Variants in MAGI1 observed in about 807,000 individuals in gnomAD.
MAGI1 encodes membrane-associated guanylate kinase, WW and PDZ domain-containing protein 1.
In MAGI1, 58 loss-of-function variants were observed where a neutral mutation model predicts 139.9. That is an observed-to-expected ratio of 0.41 (90% CI 0.34 to 0.52). MAGI1 has a LOEUF of 0.52. Among genes scored for constraint, MAGI1 ranks in the 20% least tolerant of loss-of-function variants. MAGI1 has a pLI of 0.12. For synonymous variants in MAGI1, 812 were observed against 737.9 expected, an observed-to-expected ratio of 1.10 and a Z score of -1.63; for missense variants, 1,874 against 1,901.6, an observed-to-expected ratio of 0.99 and a Z score of 0.27.
intron 1 of MAGI1, among the ~76,000 whole-genome samples, chr3:65,856,557 C>T (rs2059384097): frequency 6.6e-6 from 1 of 152,168 alleles, no homozygotes; most frequent in Admixed American, 6.5e-5. Context: ...AGAAGGTCAT[C>T]GGGTGACACA....
chr3:65,592,345 T>A (rs2106754525), intron 2 of MAGI1, among the ~76,000 whole-genome samples: 1 of 152,236 alleles, frequency 6.6e-6, no homozygotes, highest in African/African-American at 2.4e-5. Flanking sequence ...ATACAAAGTG[T>A]GCAACTGAAC....
intron 1 of MAGI1, among the ~76,000 whole-genome samples, chr3:65,862,472 A>G (rs904974655): frequency 1.3e-5 from 2 of 152,040 alleles, no homozygotes; most frequent in East Asian, 3.9e-4. Flanking sequence ...ATCACAATTA[A>G]TTTGCCATAA....
chr3:65,531,331 G>A (rs746276656), intron 2 of MAGI1, among the ~76,000 whole-genome samples: 10 of 152,042 alleles, frequency 6.6e-5, no homozygotes, highest in East Asian at 1.9e-4. Flanking sequence ...ACTTAGACCC[G>A]TAAGAGACAG....
At chr3:65,943,693 T>G (rs1230691302) in intron 1 of MAGI1, among the ~76,000 whole-genome samples, 1 of 152,100 alleles carries the variant, frequency 6.6e-6, no homozygotes. Flanking sequence ...TGGTTTGTAA[T>G]CCACAGTACA....
chr3:65,862,225 T>A (rs1260912867), intron 1 of MAGI1, among the ~76,000 whole-genome samples: 5 of 152,174 alleles, frequency 3.3e-5, no homozygotes, highest in Non-Finnish European at 7.3e-5. Context: ...AAAATCCTGG[T>A]TCTTCTCTCA....
At position 65,430,043 on chromosome 3, in the gene MAGI1, C is replaced by T. The variant is rs753281889; in HGVS notation, c.1644G>A (p.Val548=). 1 of 1,613,862 alleles carries T rather than the reference C, an allele frequency of 6.2e-7. No individual in the cohort carries two copies. Among genetic ancestry groups the T allele is most frequent in the Admixed American group, 1.7e-5 (1 of 59,948 alleles). ...GATAACCTCGGCAGAGTTCAAGGTC[C>T]ACGCTGGCACCAATGGGGATGGACT... ...IFQSIPIGAS[V]DLELCRGYPL... is the part of the protein sequence containing the mutation. The change falls in exon 12 of 23, where the codon GTG becomes GTA. Residue 548 remains valine (V), a synonymous_variant. Transcript: ENST00000402939.
chr3:65,478,605 G>A lies in MAGI1; in HGVS notation c.744C>T (p.Asn248=). The A allele has an allele frequency of 6.2e-7, 1 of 1,613,966 alleles. No individual in the cohort carries two copies. ...TCTGACCTTTACCTGTAAAGCTGCTGTTCATTTCAGGAACGTCATCCTCCT... is the reference window on the plus strand; with the variant it reads ...TCTGACCTTTACCTGTAAAGCTGCTATTCATTTCAGGAACGTCATCCTCCT... ...NEEEDDVPEM[N]SSFTADSGEQ... Residue 248 remains asparagine (N), a synonymous_variant, in exon 4 of 23, where the codon AAC becomes AAT. Coordinates refer to ENST00000402939, the MANE Select transcript of MAGI1 (RefSeq NM_001033057.2).
intron 2 of MAGI1, among the ~76,000 whole-genome samples, chr3:65,610,781 A>G (rs1339340997): frequency 7.1e-6 from 1 of 141,594 alleles, no homozygotes; most frequent in East Asian, 2.0e-4. Context: ...TATATACTGT[A>G]TATAGTATAT....
chr3:65,959,601 T>A (rs1210395857), intron 1 of MAGI1, among the ~76,000 whole-genome samples: 25 of 127,310 alleles, frequency 2.0e-4, no homozygotes, highest in African/African-American at 6.9e-4. Flanking sequence ...TCCCAGCATT[T>A]TTATTATTAT....
At chr3:65,941,328 C>T (rs2063304918) in intron 1 of MAGI1, among the ~76,000 whole-genome samples, 1 of 150,876 alleles carries the variant, frequency 6.6e-6, no homozygotes, top group South Asian at 2.1e-4. Flanking sequence ...GCCTAGGTGA[C>T]ACAGCAAGAC....
chr3:65,978,195 CAAGCCTAT>C (rs1475130746), intron 1 of MAGI1, among the ~76,000 whole-genome samples: 5 of 152,214 alleles, frequency 3.3e-5, no homozygotes, highest in Non-Finnish European at 7.3e-5. Context: ...CAGTTTCTCA[CAAGCCTAT>C]AAGGCAAGTA....
intron 12 of MAGI1, chr3:65,401,701 T>C (rs569797801): frequency 6.5e-7 from 1 of 1,528,990 alleles, no homozygotes; most frequent in African/African-American, 1.4e-5. Flanking sequence ...TGCTGACTTG[T>C]ACTGCAGCAG....
intron 2 of MAGI1, among the ~76,000 whole-genome samples, chr3:65,583,902 T>C (rs1188600658): frequency 1.2e-4 from 18 of 152,144 alleles, no homozygotes; most frequent in African/African-American, 3.6e-4. Context: ...TGACCTCTAC[T>C]AGTCTTTCAA....
chr3:66,029,546 C>T (rs548260233), intron 1 of MAGI1, among the ~76,000 whole-genome samples: 83 of 152,268 alleles, frequency 5.5e-4, no homozygotes, highest in Non-Finnish European at 1.1e-3. Flanking sequence ...GCCAGAAGAA[C>T]CTCTCAGTCT....
rs940008570 is a variant in MAGI1, at chr3:65,706,162, T to C, written c.314-84074A>G. Among the ~76,000 whole-genome samples the C allele has an allele frequency of 3.9e-5, 6 of 152,348 alleles. No individual in the cohort carries two copies. The South Asian group carries it at 1.2e-3, about 32-fold the overall frequency. ...TTTTGTCAGGAAAACCACTAGTAGA[T>C]GGTACACGGGCTAGTTTAAATTTCA... On this transcript the variant is annotated intron_variant, in intron 1 of 22. Transcript: ENST00000402939.
chr3:65,721,131 G>A (rs2032965387), intron 1 of MAGI1, among the ~76,000 whole-genome samples: 1 of 152,140 alleles, frequency 6.6e-6, no homozygotes, highest in East Asian at 1.9e-4. Context: ...AGTTCCAGAG[G>A]TAGTGAGACC....
At chr3:65,652,609 TG>T (rs765368937) in intron 1 of MAGI1, among the ~76,000 whole-genome samples, 2 of 152,194 alleles carry the variant, frequency 1.3e-5, no homozygotes, top group Non-Finnish European at 2.9e-5. Context: ...GCAACCTAGT[TG>T]AATTCTCAAA....
chr3:65,842,505 G>C (rs2058843057), intron 1 of MAGI1, among the ~76,000 whole-genome samples: 2 of 152,014 alleles, frequency 1.3e-5, no homozygotes, highest in Admixed American at 6.6e-5. Context: ...GGGATTATAG[G>C]CATGTGCCAC....
At chr3:65,988,214 G>A (rs6798828) in intron 1 of MAGI1, among the ~76,000 whole-genome samples, 63,800 of 152,052 alleles carry the variant, frequency 0.42, 14,979 homozygotes, top group East Asian at 0.59. Context: ...CACTTGTCCC[G>A]AAATTCAGGA....
Sources: allele counts gnomAD v4.1 joint callset (sites outside exome capture counted in the v4.1 genomes callset), GRCh38; gene constraint gnomAD v4.1.1; transcripts MANE v1.5; gene names NCBI Gene and HGNC (gene_info 2026-07-23, HGNC 2026-07-21).